The following MICU3 variants were observed in gnomAD, a reference collection of about 807,000 sequenced individuals.
The protein encoded by MICU3 is mitochondrial calcium uptake 3.
Under a neutral mutation model 66.5 loss-of-function variants are expected in MICU3, and 62 were observed. The ratio of observed to expected loss-of-function variants is 0.93; its 90% confidence interval spans 0.76 to 1.15. The LOEUF is 1.15. Ranked by LOEUF, MICU3 falls within the 50% of genes most tolerant of loss-of-function variation. MICU3 has a pLI of 0.00. For missense variants in MICU3, 779 were observed against 664.4 expected (o/e 1.17, Z -1.90); for synonymous variants, 308 against 240.7 (o/e 1.28, Z -2.59).
chr8:17,075,522 C>T (rs1428093182), intron 3 of MICU3, among the ~76,000 whole-genome samples: 4 of 152,066 alleles, frequency 2.6e-5, no homozygotes, highest in African/African-American at 7.2e-5. Flanking sequence ...CTGCTACATA[C>T]GAAACCAAGC....
chr8:17,113,759 T>TA (rs144415467), intron 11 of MICU3, among the ~76,000 whole-genome samples: 6,537 of 152,018 alleles, frequency 0.043, 484 homozygotes, highest in African/African-American at 0.15. Context: ...CTTACAAGGT[T>TA]AAAAAAAATC....
intron 1 of MICU3, among the ~76,000 whole-genome samples, chr8:17,041,297 A>G (rs1814036147): frequency 6.6e-6 from 1 of 152,022 alleles, no homozygotes; most frequent in Non-Finnish European, 1.5e-5. Context: ...TCAGGGGGCC[A>G]TGGAAGTCAA....
chr8:17,074,653 A>T (rs1252327436), intron 3 of MICU3, among the ~76,000 whole-genome samples: 2 of 151,194 alleles, frequency 1.3e-5, no homozygotes, highest in Non-Finnish European at 3.0e-5. Flanking sequence ...CCACCCCTAG[A>T]GACAATTAAC....
rs762654221 is a variant in MICU3, at chr8:17,098,547, C to T, written c.978C>T (p.Leu326=). The stretch of plus-strand genomic sequence containing the variant: ...CAAGCCAAGCACTGTTTTCAGACCT[C>T]GCAGAGGTATAATTAAACCTCAACA... ...RNTSQALFSD[L]AERADDITSL... is the part of the protein sequence containing the mutation. Residue 326 remains leucine, a synonymous_variant, in exon 9 of 15, where the codon CTC becomes CTT. Transcript: ENST00000318063. 3.7e-6 allele frequency: 6 copies of T among 1,603,800 alleles called. No homozygotes were observed. Among genetic ancestry groups the T allele is most frequent in the Middle Eastern group, 1.7e-4 (1 of 6,054 alleles).
At chr8:17,128,330 TAAAAG>T in the MICU3 span, among the ~76,000 whole-genome samples, 1 of 151,496 alleles carries the variant, frequency 6.6e-6, no homozygotes, top group African/African-American at 2.4e-5. Context: ...GCATAAACTT[TAAAAG>T]AATTCAACCA....
intron 13 of MICU3, 30 bp from the exon 14 acceptor site, chr8:17,118,677 A>G (rs535274036): frequency 1.9e-5 from 28 of 1,463,540 alleles, no homozygotes; most frequent in Non-Finnish European, 2.1e-5. Flanking sequence ...CTTTCTGTAC[A>G]TTTGCACACT....
At chr8:17,109,701 G>A (rs1264813168) in intron 11 of MICU3, among the ~76,000 whole-genome samples, 1 of 151,986 alleles carries the variant, frequency 6.6e-6, no homozygotes, top group East Asian at 1.9e-4. Flanking sequence ...TACAATCTTT[G>A]GGCCTTTTGA....
chr8:17,076,163 G>A (rs930891501), intron 3 of MICU3, among the ~76,000 whole-genome samples: 1 of 151,936 alleles, frequency 6.6e-6, no homozygotes, highest in African/African-American at 2.4e-5. Context: ...AGTAAGCTGG[G>A]ACTATAGATG....
At chr8:17,034,353 G>C (rs1812606244) in intron 1 of MICU3, among the ~76,000 whole-genome samples, 1 of 152,224 alleles carries the variant, frequency 6.6e-6, no homozygotes, top group South Asian at 2.1e-4. Flanking sequence ...TTTACAAGGA[G>C]ATCAGTGTTT....
intron 3 of MICU3, among the ~76,000 whole-genome samples, chr8:17,070,108 A>G (rs1444767654): frequency 6.6e-6 from 1 of 152,108 alleles, no homozygotes; most frequent in African/African-American, 2.4e-5. Flanking sequence ...TCTGTGATCT[A>G]GTAATTTCTA....
chr8:17,079,001 A>G (rs2150712178), intron 4 of MICU3, among the ~76,000 whole-genome samples: 1 of 152,310 alleles, frequency 6.6e-6, no homozygotes, highest in South Asian at 2.1e-4. Flanking sequence ...TTCTTAATAT[A>G]CCTCATGGGA....
At chr8:17,124,671 A>G (rs1204300978), downstream of MICU3, among the ~76,000 whole-genome samples, 1 of 151,680 alleles carries the variant, frequency 6.6e-6, no homozygotes, top group Non-Finnish European at 1.5e-5. Context: ...TTCCTGAGAA[A>G]GTTGCACAGT....
At chr8:17,098,416 C>A in intron 8 of MICU3, 42 bp from the exon 9 acceptor site, 1 of 1,186,580 alleles carries the variant, frequency 8.4e-7, no homozygotes, top group Non-Finnish European at 1.3e-6. Flanking sequence ...TTCTTTGTAA[C>A]TATTCTTTAG....
intron 1 of MICU3, among the ~76,000 whole-genome samples, chr8:17,042,416 A>G (rs190811999): frequency 4.6e-5 from 7 of 152,362 alleles, no homozygotes; most frequent in African/African-American, 1.7e-4. Context: ...AGCTCGATTT[A>G]TGGCATTGTC....
intron 2 of MICU3, among the ~76,000 whole-genome samples, chr8:17,067,640 A>G (rs1434171689): frequency 6.6e-6 from 1 of 151,972 alleles, no homozygotes; most frequent in Non-Finnish European, 1.5e-5. Flanking sequence ...TGGTTTAACC[A>G]TATTGGCCAG....
At chr8:17,098,923 A>G (rs140630571) in intron 9 of MICU3, among the ~76,000 whole-genome samples, 4 of 151,898 alleles carry the variant, frequency 2.6e-5, no homozygotes, top group African/African-American at 9.6e-5. Flanking sequence ...CAAATTTCCT[A>G]GTATTGATAG....
At chr8:17,063,229 G>A (rs1376191744) in intron 1 of MICU3, among the ~76,000 whole-genome samples, 1 of 151,862 alleles carries the variant, frequency 6.6e-6, no homozygotes, top group Non-Finnish European at 1.5e-5. Context: ...ATTTTATACG[G>A]TAACTACTAG....
At chr8:17,041,467 A>T (rs1814080208) in intron 1 of MICU3, among the ~76,000 whole-genome samples, 1 of 152,196 alleles carries the variant, frequency 6.6e-6, no homozygotes, top group Admixed American at 6.5e-5. Context: ...ATCAGATTAC[A>T]GTTGGATAAG....
intron 7 of MICU3, among the ~76,000 whole-genome samples, chr8:17,088,114 A>G (rs1235671748): frequency 1.3e-5 from 2 of 151,988 alleles, no homozygotes; most frequent in African/African-American, 2.4e-5. Context: ...GTACGTTTAT[A>G]TTTAGTTGAA....
Sources: allele counts gnomAD v4.1 joint callset (sites outside exome capture counted in the v4.1 genomes callset), GRCh38; gene constraint gnomAD v4.1.1; transcripts MANE v1.5; gene names NCBI Gene and HGNC (gene_info 2026-07-23, HGNC 2026-07-21).